The following ACACB variants were observed in gnomAD, a reference collection of about 807,000 sequenced individuals.
The protein encoded by ACACB is acetyl-CoA carboxylase 2.
Under a neutral mutation model 278.8 loss-of-function variants are expected in ACACB, and 209 were observed. The observed-to-expected ratio is 0.75, with a 90% confidence interval of 0.67 to 0.84. The LOEUF is 0.84. Ranked by LOEUF, ACACB falls within the 40% of genes least tolerant of loss-of-function variation. The probability of loss-of-function intolerance (pLI) is 0.00; values close to 1 mark genes in which losing one functional copy is unlikely to be tolerated. For missense variants in ACACB, 2,850 were observed against 3,269.0 expected (o/e 0.87, Z 3.13); for synonymous variants, 1,174 against 1,285.6 (o/e 0.91, Z 1.86).
In ACACB at chr12:109,206,755, A is replaced by G. The variant is rs752903306; in HGVS notation, c.2959A>G (p.Ile987Val). The G allele has an allele frequency of 3.1e-6, 5 of 1,614,092 alleles. No homozygotes were observed. The highest frequency in any genetic ancestry group is 1.3e-5 in the African/African-American group (1 of 75,024). ...ACTCCCTGCCCAGCAGACACTGCCC[A>G]TCCTCGGAGAGAAACTGCACCAGGT... ...GELPAQQTLP[I>V]LGEKLHQVFH... is the part of the protein sequence containing the mutation. Residue 987 changes from isoleucine to valine, a missense_variant, in exon 20 of 53, where the codon ATC (isoleucine) becomes GTC (valine). Ile to Val is a conservative substitution (Grantham distance 29). Transcript: ENST00000338432.
chr12:109,256,089 G>C (rs551212718), intron 44 of ACACB, 51 bp from the exon 45 acceptor site: 2 of 1,528,942 alleles, frequency 1.3e-6, no homozygotes, highest in South Asian at 2.3e-5. Context: ...TGTCCTGGGG[G>C]CCCCCAGCCA....
intron 21 of ACACB, among the ~76,000 whole-genome samples, chr12:109,210,510 CGCACATACATGTGTATATGTGTATATAT>C (rs1010157851): frequency 6.8e-6 from 1 of 146,476 alleles, no homozygotes; most frequent in Non-Finnish European, 1.5e-5. Context: ...TGTGTATATA[CGCACATACATGTGTATATGTGTATATAT>C]ACGTGCATGT....
At chr12:109,117,996 C>T (rs957932094) in intron 1 of ACACB, among the ~76,000 whole-genome samples, 3 of 152,100 alleles carry the variant, frequency 2.0e-5, no homozygotes, top group Admixed American at 6.5e-5. Flanking sequence ...GTGATCCGCC[C>T]GCCTCGGCCT....
chr12:109,237,235 G>C lies in ACACB; in HGVS notation c.4517G>C (p.Arg1506Pro). ...LAFQLELNRM[R>P]NFDLTAVPCA... ...TTCCAGCTGGAACTTAACCGGATGC[G>C]TAACTTCGATCTGACCGCCGTGCCC... The change falls in exon 34 of 53, where the codon CGT becomes CCT. Residue 1506 changes from arginine to proline, a missense_variant. Physicochemically the swap from Arg to Pro is moderately radical, Grantham distance 103 (BLOSUM62 -2). Around this residue, in one of 3 missense-constraint regions of ACACB, gnomAD observed 2,265 missense variants for 2,561.3 expected, o/e 0.88. Transcript: ENST00000338432. 1 of 1,614,162 alleles carries C rather than the reference G, an allele frequency of 6.2e-7. No homozygotes were observed. The highest frequency in any genetic ancestry group is 8.5e-7 in the Non-Finnish European group (1 of 1,180,038).
intron 28 of ACACB, among the ~76,000 whole-genome samples, chr12:109,229,277 C>T (rs141470828): frequency 3.9e-5 from 6 of 152,098 alleles, no homozygotes; most frequent in South Asian, 2.1e-4. Context: ...TATCCTCTAT[C>T]GGCCAAAAAT....
At chr12:109,149,559 G>C (rs575674478) in intron 2 of ACACB, among the ~76,000 whole-genome samples, 1 of 152,152 alleles carries the variant, frequency 6.6e-6, no homozygotes. Context: ...ACCCCAGCCT[G>C]AGCAACAGAG....
chr12:109,150,982 CTTT>C (rs201382181), intron 2 of ACACB, among the ~76,000 whole-genome samples: 1 of 137,320 alleles, frequency 7.3e-6, no homozygotes, highest in African/African-American at 2.7e-5. Context: ...TTTTTTCTTT[CTTT>C]TTTTTTTTTT....
intron 2 of ACACB, among the ~76,000 whole-genome samples, chr12:109,158,475 G>A (rs1174004783): frequency 6.6e-6 from 1 of 151,778 alleles, no homozygotes; most frequent in East Asian, 1.9e-4. Flanking sequence ...TGAGGAGTTT[G>A]AGACCAGTCT....
At chr12:109,257,029 G>A (rs1412530188) in intron 45 of ACACB, among the ~76,000 whole-genome samples, 2 of 152,114 alleles carry the variant, frequency 1.3e-5, no homozygotes, top group Non-Finnish European at 2.9e-5. Flanking sequence ...ATCCCAGCAC[G>A]TTGGGAGGCC....
Position 109,139,951 on chromosome 12 carries a change from C to T in ACACB, c.546C>T (p.Gly182=), listed in dbSNP as rs1272492084. 1.2e-6 allele frequency: 2 copies of T among 1,614,144 alleles called. No individual in the cohort carries two copies. The highest frequency in any genetic ancestry group is 1.7e-6 in the Non-Finnish European group (2 of 1,180,030). Residue 182 remains glycine (G), a synonymous_variant, in exon 2 of 53, where the codon GGC becomes GGT. Coordinates refer to ENST00000338432, the MANE Select transcript of ACACB (RefSeq NM_001093.4). ...CCTCCGACGAGGACTCTGTTGCTGG[C>T]TCATCTCGTGAGTCTACCCGGAAGG... ...DYSSDEDSVA[G]SSRESTRKGS... is the part of the protein sequence containing the mutation.
chr12:109,196,714 A>G (rs939813299), intron 16 of ACACB, among the ~76,000 whole-genome samples: 1 of 152,184 alleles, frequency 6.6e-6, no homozygotes. Context: ...AGGAATCAGA[A>G]GGGAGTCTCT....
intron 15 of ACACB, among the ~76,000 whole-genome samples, chr12:109,192,645 A>C (rs1409283319): frequency 6.6e-6 from 1 of 152,186 alleles, no homozygotes; most frequent in East Asian, 1.9e-4. Context: ...AAAGAAAATA[A>C]AAGGATAAAC....
chr12:109,189,386 G>T (rs895839334), intron 13 of ACACB, among the ~76,000 whole-genome samples: 1 of 152,176 alleles, frequency 6.6e-6, no homozygotes, highest in Non-Finnish European at 1.5e-5. Flanking sequence ...CTTAATAGGA[G>T]TAGGCGGAAG....
chr12:109,183,726 C>T (rs1375426201), intron 11 of ACACB, among the ~76,000 whole-genome samples: 2 of 152,074 alleles, frequency 1.3e-5, no homozygotes, highest in African/African-American at 2.4e-5. Context: ...CATCTGTAAA[C>T]AAGGATAATT....
chr12:109,199,302 T>TG (rs2045249638), intron 17 of ACACB, 100 bp from the exon 18 acceptor site: 8 of 1,076,016 alleles, frequency 7.4e-6, no homozygotes, highest in Non-Finnish European at 5.0e-6. Context: ...GAGGGTACAC[T>TG]CCCCCTTTAG....
Position 109,241,236 on chromosome 12 carries a change from G to A in ACACB, c.4977G>A (p.Leu1659=), listed in dbSNP as rs1473946994. The A allele has an allele frequency of 1.9e-6, 3 of 1,614,054 alleles. No homozygotes were observed. In the African/African-American group the frequency reaches 4.0e-5, roughly 22 times the overall value. The change falls in exon 36 of 53, where the codon CTG becomes CTA. Residue 1659 remains leucine, a synonymous_variant. Coordinates refer to ENST00000338432, the MANE Select transcript of ACACB (RefSeq NM_001093.4). ...TCACCAATGAGTCGGGCTACTACCT[G>A]GACATCAGCCTCTACAAAGAAGTGA... is the stretch of plus-strand genomic sequence containing the variant. ...LFITNESGYY[L]DISLYKEVTD...
chr12:109,160,190 T>C (rs1380169780), intron 2 of ACACB, among the ~76,000 whole-genome samples: 1 of 152,054 alleles, frequency 6.6e-6, no homozygotes, highest in Non-Finnish European at 1.5e-5. Flanking sequence ...GTGTAATGCA[T>C]GTTTTAAAAG....
At chr12:109,172,096 A>AAAAATTTT (rs2044138071) in intron 5 of ACACB, among the ~76,000 whole-genome samples, 179 bp from the exon 6 acceptor site, 1 of 152,158 alleles carries the variant, frequency 6.6e-6, no homozygotes, top group African/African-American at 2.4e-5. Flanking sequence ...GTTTTTAAAA[A>AAAAATTTT]AAAATTTTAT....
chr12:109,225,028 C>T (rs1246452782), intron 27 of ACACB, among the ~76,000 whole-genome samples: 1 of 152,188 alleles, frequency 6.6e-6, no homozygotes, highest in Non-Finnish European at 1.5e-5. Context: ...TAGCATATTA[C>T]AGCCACAGGG....
Sources: gnomAD v4.1 joint callset for allele counts (sites outside exome capture counted in the v4.1 genomes callset) on GRCh38, gnomAD v4.1.1 for gene constraint, gnomAD v4.1.1 regional missense constraint, MANE v1.5 for transcripts, NCBI Gene and HGNC (gene_info 2026-07-23, HGNC 2026-07-21) for gene names.